Variants in CEP72 observed in about 807,000 individuals in gnomAD.
CEP72 encodes the protein centrosomal protein 72.
In CEP72, 78 loss-of-function variants were observed where a neutral mutation model predicts 65.7. That is an observed-to-expected ratio of 1.19 (90% CI 0.99 to 1.43). The LOEUF is 1.43. CEP72 is among the 40% of genes most tolerant of loss of function. The pLI, the probability that CEP72 is intolerant of heterozygous loss-of-function variation, is 0.00. For synonymous variants in CEP72, 358 were observed against 351.7 expected, an observed-to-expected ratio of 1.02 and a Z score of -0.20; for missense variants, 914 against 832.9, an observed-to-expected ratio of 1.10 and a Z score of -1.20.
intron 2 of CEP72, chr5:664,208 G>A (rs3749611): frequency 0.2 from 30,281 of 152,620 alleles, 4,011 homozygotes; most frequent in African/African-American, 0.38. Context: ...GAGGACGGGC[G>A]AACGGGAGGG....
the CEP72 span, among the ~76,000 whole-genome samples, chr5:674,987 G>A: frequency 6.8e-6 from 1 of 147,186 alleles, no homozygotes; most frequent in African/African-American, 2.5e-5. Context: ...AAGGATCTGT[G>A]GCCGGGGGAG....
At chr5:669,065 C>T (rs553204348), downstream of CEP72, among the ~76,000 whole-genome samples, 77 of 152,374 alleles carry the variant, frequency 5.1e-4, no homozygotes, top group South Asian at 7.0e-3. Context: ...CTGAGAAACA[C>T]ACCAAGTGCT....
In CEP72 at chr5:664,974, G is replaced by A. The variant is rs558125705; in HGVS notation, n.288-206G>A. On this transcript the variant is annotated intron_variant and non_coding_transcript_variant, in intron 2 of 4. Coordinates refer to the CEP72 transcript ENST00000514507. The stretch of plus-strand genomic sequence containing the variant: ...GCAGGAGGGAGGCCTGGGCCTGGCC[G>A]CCCCCCAGCCCCCTCTGGGGCACCC... The A allele has an allele frequency of 1.4e-4, 164 of 1,144,276 alleles. 1 individual carries two copies. The highest frequency in any genetic ancestry group is 6.5e-4 in the South Asian group (43 of 65,722). The allele number at this position is 1,144,276 out of a possible 1,614,324, so 70.9% of individuals were successfully genotyped here.
intron 4 of CEP72, among the ~76,000 whole-genome samples, chr5:627,834 A>C (rs1429799374): frequency 6.6e-6 from 1 of 152,244 alleles, no homozygotes; most frequent in African/African-American, 2.4e-5. Context: ...AAAACTTTAC[A>C]GTAGTGTTTG....
chr5:628,303 G>T (rs940621712), intron 4 of CEP72, among the ~76,000 whole-genome samples: 1 of 152,232 alleles, frequency 6.6e-6, no homozygotes, highest in African/African-American at 2.4e-5. Context: ...TGTCCATACC[G>T]CACAGAGGAG....
At chr5:648,861 CTGTGAGGTGTGACTG>C (rs1738661276) in intron 11 of CEP72, among the ~76,000 whole-genome samples, 2 of 99,802 alleles carry the variant, frequency 2.0e-5, no homozygotes, top group African/African-American at 4.2e-5. Flanking sequence ...TGAGGTGTGA[CTGTGAGGTGTGACTG>C]TGAGGTGTGA....
intron 10 of CEP72, among the ~76,000 whole-genome samples, chr5:644,740 G>A (rs1466428403): frequency 6.6e-6 from 1 of 152,178 alleles, no homozygotes; most frequent in Non-Finnish European, 1.5e-5. Flanking sequence ...GTCACTGTGG[G>A]GTTTGCTGCT....
chr5:619,740 G>C (rs189960300), intron 2 of CEP72, among the ~76,000 whole-genome samples: 2 of 152,236 alleles, frequency 1.3e-5, no homozygotes, highest in Non-Finnish European at 2.9e-5. Flanking sequence ...GTGAAGGGGG[G>C]GCTGATGGTT....
intron 11 of CEP72, among the ~76,000 whole-genome samples, chr5:649,341 G>A (rs1738743262): frequency 7.8e-6 from 1 of 128,272 alleles, no homozygotes; most frequent in Non-Finnish European, 1.6e-5. Context: ...ACTGTGAGGC[G>A]TGGACTGTGA....
chr5:650,420 T>G, intron 11 of CEP72, among the ~76,000 whole-genome samples: 1 of 62,772 alleles, frequency 1.6e-5, no homozygotes, highest in Admixed American at 1.7e-4. Context: ...GGGTGTGAGG[T>G]GTGACTGTGA....
In CEP72 at chr5:616,347, G is replaced by T. The variant is rs532051992; in HGVS notation, c.83-2643G>T. Among the ~76,000 whole-genome samples the T allele has an allele frequency of 1.2e-4, 18 of 151,578 alleles. No individual in the cohort carries two copies. In the East Asian group the frequency reaches 2.9e-3, roughly 25 times the overall value. ...TCTTCTTTATATCTCCTGTTTCTTT[G>T]CTAAGACTAGTTTTTCCTTTGTCTC... On this transcript the variant is annotated intron_variant, in intron 1 of 11. Coordinates refer to ENST00000264935, the MANE Select transcript of CEP72 (RefSeq NM_018140.4).
chr5:668,511 C>T (rs375538109), downstream of CEP72, among the ~76,000 whole-genome samples: 11 of 152,136 alleles, frequency 7.2e-5, no homozygotes, highest in South Asian at 2.1e-4. Flanking sequence ...GAAACCACAG[C>T]GAGGCCCCTG....
downstream of CEP72, among the ~76,000 whole-genome samples, chr5:668,568 C>T (rs185885601): frequency 1.6e-4 from 25 of 152,344 alleles, no homozygotes; most frequent in South Asian, 2.1e-4. Context: ...GCCGGCACCT[C>T]GAGCTGAGCA....
intron 1 of CEP72, 99 bp downstream of exon 1, chr5:612,542 T>G: frequency 3.2e-6 from 4 of 1,261,144 alleles, no homozygotes; most frequent in Non-Finnish European, 4.0e-6. Flanking sequence ...GCGGGACCCG[T>G]CTACGCAGGC....
chr5:651,716 G>T (rs894906540), intron 11 of CEP72, among the ~76,000 whole-genome samples: 1 of 152,034 alleles, frequency 6.6e-6, no homozygotes, highest in Non-Finnish European at 1.5e-5. Flanking sequence ...GCTGGAGGAG[G>T]CAAGGACAGG....
chr5:642,444 G>C, intron 9 of CEP72: 2 of 985,498 alleles, frequency 2.0e-6, no homozygotes, highest in Non-Finnish European at 2.4e-6. Context: ...TGGAAAGTGA[G>C]CTGGGCGCCG....
intron 6 of CEP72, among the ~76,000 whole-genome samples, chr5:637,082 T>C (rs1322285416): frequency 6.6e-6 from 1 of 152,144 alleles, no homozygotes; most frequent in African/African-American, 2.4e-5. Context: ...TAGTGGTCGG[T>C]ACAGTGCACG....
At chr5:672,685 G>T in the CEP72 span, among the ~76,000 whole-genome samples, 1 of 152,328 alleles carries the variant, frequency 6.6e-6, no homozygotes, top group East Asian at 1.9e-4. Flanking sequence ...TCGAGGAGGC[G>T]CTGGGAGATT....
intron 9 of CEP72, chr5:641,241 T>C: frequency 2.0e-6 from 2 of 985,364 alleles, no homozygotes; most frequent in Non-Finnish European, 2.4e-6. Flanking sequence ...CCCTCCACGC[T>C]GCAAGGGCCT....
Sources: gnomAD v4.1 joint callset for allele counts (sites outside exome capture counted in the v4.1 genomes callset) on GRCh38, gnomAD v4.1.1 for gene constraint, MANE v1.5 for transcripts, NCBI Gene and HGNC (gene_info 2026-07-23, HGNC 2026-07-21) for gene names.